Variants in SLC22A7 observed in about 807,000 individuals in gnomAD.
The protein encoded by SLC22A7 is solute carrier family 22 member 7, also known as hOAT2.
Under a neutral mutation model 62.2 loss-of-function variants are expected in SLC22A7, and 48 were observed. The observed-to-expected ratio is 0.77, with a 90% CI of 0.61 to 0.98. The LOEUF is 0.98. Among genes scored for constraint, SLC22A7 ranks in the 50% least tolerant of loss-of-function variants. SLC22A7 has a pLI of 0.00. For missense variants in SLC22A7, 581 were observed against 703.8 expected (o/e 0.83, Z 1.97); for synonymous variants, 276 against 314.8 (o/e 0.88, Z 1.30).
Position 43,298,421 on chromosome 6 carries a change from G to T in SLC22A7, c.63G>T (p.Val21=). Residue 21 remains valine (V), a synonymous_variant, in exon 1 of 11, where the codon GTG becomes GTT. Transcript: ENST00000372585. ...GGFGPFQLRN[V]ALLALPRVLL... ...TTGGGCCCTTCCAACTGCGGAATGT[G>T]GCACTGCTGGCCCTGCCCCGAGTGC... 1.9e-6 allele frequency: 3 copies of T among 1,614,120 alleles called. No homozygotes were observed. The highest frequency in any genetic ancestry group is 1.7e-6 in the Non-Finnish European group (2 of 1,180,028).
rs757499719 is a variant in SLC22A7, at chr6:43,298,633, C to A, written c.275C>A (p.Thr92Asn). ...RFAYPQALPN[T>N]TLGEERQSRG... ...GCCTATCCCCAGGCTCTCCCCAACA[C>A]CACGTTGGGGGAAGAAAGGCAGAGC... is the stretch of plus-strand genomic sequence containing the variant. Residue 92 changes from threonine to asparagine, a missense_variant, in exon 1 of 11, where the codon ACC becomes AAC. Physicochemically the swap from Thr to Asn is moderately conservative, Grantham distance 65. Transcript: ENST00000372585. The A allele has an allele frequency of 1.3e-6, 2 of 1,593,180 alleles. No homozygotes were observed. Among genetic ancestry groups the A allele is most frequent in the South Asian group, 1.1e-5 (1 of 87,662 alleles).
intron 9 of SLC22A7, chr6:43,303,329 G>A (rs903103063): frequency 4.4e-4 from 82 of 185,732 alleles, no homozygotes; most frequent in African/African-American, 1.9e-3. Flanking sequence ...GTGTGGTGGC[G>A]AATGCCTGTA....
chr6:43,301,135 G>A lies in SLC22A7; in HGVS notation c.828G>A (p.Trp276Ter). The A allele has an allele frequency of 6.2e-7, 1 of 1,614,168 alleles. No homozygotes were observed. The highest frequency in any genetic ancestry group is 8.5e-7 in the Non-Finnish European group (1 of 1,180,016). ...LPCAPGILSL[W>*]WVPESARWLL... ...TGATGGACCTTCTGCCTATTCCTAG[G>A]TGGGTGCCTGAGTCTGCACGCTGGC... The change falls in exon 6 of 11, where the codon TGG becomes TGA. Residue 276 changes from tryptophan (W) to a stop codon, truncating the protein, a stop_gained and splice_region_variant. Coordinates refer to ENST00000372585, the MANE Select transcript of SLC22A7 (RefSeq NM_153320.2). LOFTEE classifies it high-confidence loss of function.
intron 10 of SLC22A7, 140 bp downstream of exon 10, chr6:43,304,384 GGTGA>G: frequency 3.9e-6 from 3 of 766,686 alleles, no homozygotes; most frequent in Non-Finnish European, 6.0e-6. Flanking sequence ...TGCGTGCACA[GGTGA>G]GTGTTTCAGG....
In SLC22A7 at chr6:43,304,066, G is replaced by A. The variant is rs1778853886; in HGVS notation, c.1414G>A (p.Val472Met). The A allele has an allele frequency of 6.3e-7, 1 of 1,588,312 alleles. No individual in the cohort carries two copies. Among genetic ancestry groups the A allele is most frequent in the African/African-American group, 1.3e-5 (1 of 74,336 alleles). The change falls in exon 10 of 11, where the codon GTG becomes ATG. Residue 472 changes from valine to methionine, a missense_variant. By Grantham distance (21) the Val-to-Met change is conservative. Transcript: ENST00000372585. ...RQTGMGLTAL[V>M]GRLGGSLAPL... ...GACAGGGATGGGGCTGACTGCACTGGTGGGCCGGCTGGGGGGCTCTTTGGC... is the reference window on the plus strand; with the variant it reads ...GACAGGGATGGGGCTGACTGCACTGATGGGCCGGCTGGGGGGCTCTTTGGC...
At chr6:43,301,087 G>A (rs1393638918) in intron 5 of SLC22A7, 48 bp from the exon 6 acceptor site, 1 of 1,612,854 alleles carries the variant, frequency 6.2e-7, no homozygotes, top group South Asian at 1.1e-5. Flanking sequence ...GGAACATGTG[G>A]CTTAGGGTCA....
rs1400474320 is a variant in SLC22A7, at chr6:43,302,152, G to C, written c.1062-48G>C. The C allele has an allele frequency of 6.7e-7, 1 of 1,484,016 alleles. No individual in the cohort carries two copies. Among genetic ancestry groups the C allele is most frequent in the African/African-American group, 1.4e-5 (1 of 71,612 alleles). 91.9% of individuals were successfully genotyped at this position (1,484,016 alleles called of 1,614,324 possible). On this transcript the variant is annotated intron_variant, in intron 7 of 10. Coordinates refer to ENST00000372585, the MANE Select transcript of SLC22A7 (RefSeq NM_153320.2). The surrounding 1 kb of genome is among the most constrained non-coding windows in gnomAD (Gnocchi z 5.0). ...AGTCTTCCTGAGAAGAGAGGCCAAA[G>C]AGGGATGGGAAGGAGGGTCCGCCAA...
chr6:43,300,062 C>T lies in SLC22A7; in HGVS notation c.823C>T (p.Leu275Phe). ...GCCTTGTGCCCCAGGCATCCTCAGC[C>T]TCTGGTGAGGACTGCAGGCAGCTGG... ...TLPCAPGILS[L>F]WWVPESARWL... Residue 275 changes from leucine (L) to phenylalanine (F), a missense_variant, in exon 5 of 11, where the codon CTC becomes TTC. Transcript: ENST00000372585. The T allele has an allele frequency of 1.2e-6, 2 of 1,613,906 alleles. No homozygotes were observed. The highest frequency in any genetic ancestry group is 1.7e-6 in the Non-Finnish European group (2 of 1,179,956).
At chr6:43,296,338 C>G (rs70953667), upstream of SLC22A7, among the ~76,000 whole-genome samples, 949 of 152,324 alleles carry the variant, frequency 6.2e-3, 13 homozygotes, top group African/African-American at 0.021. Flanking sequence ...GTCGTCACAG[C>G]CAATGGCTGA....
rs1416591100 is a variant in SLC22A7 at position 43,301,155 on chromosome 6, G to A, written c.848G>A (p.Arg283His). 8.1e-6 allele frequency: 13 copies of A among 1,614,170 alleles called. 1 individual carries two copies. The highest frequency in any genetic ancestry group is 6.8e-6 in the Non-Finnish European group (8 of 1,180,028). ...CCTAGGTGGGTGCCTGAGTCTGCAC[G>A]CTGGCTTCTGACCCAAGGCCATGTG... ...LSLWWVPESA[R>H]WLLTQGHVKE... The change falls in exon 6 of 11, where the codon CGC becomes CAC. Residue 283 changes from arginine to histidine, a missense_variant. Arg to His is a conservative substitution (Grantham distance 29). Coordinates refer to ENST00000372585, the MANE Select transcript of SLC22A7 (RefSeq NM_153320.2).
At position 43,299,920 on chromosome 6, in the gene SLC22A7, G is replaced by C; in HGVS notation, c.681G>C (p.Glu227Asp). The part of the protein sequence containing the change: ...MPLELEWLDV[E>D]HRTVAGVLSS... ...CAGAGCTGGAGTGGCTGGATGTGGA[G>C]CACCGCACCGTGGCTGGAGTCCTGA... The change falls in exon 5 of 11, where the codon GAG (glutamate) becomes GAC (aspartate). Residue 227 changes from glutamate to aspartate, a missense_variant. Glu to Asp is a conservative substitution (Grantham distance 45). Coordinates refer to ENST00000372585, the MANE Select transcript of SLC22A7 (RefSeq NM_153320.2). The surrounding 1 kb of genome is among the most constrained non-coding windows in gnomAD (Gnocchi z 4.4). 3.1e-6 allele frequency: 5 copies of C among 1,614,176 alleles called. No homozygotes were observed. The highest frequency in any genetic ancestry group is 4.2e-6 in the Non-Finnish European group (5 of 1,180,016).
rs765308689 is a variant in SLC22A7 at position 43,299,127 on chromosome 6, G to A, written c.399+30G>A. ...GTATTTACATAATCCATCTGGAGGT[G>A]GAATGTCGGTGGAGGCAGTCTCCCT... is the stretch of plus-strand genomic sequence containing the variant. On this transcript the variant is annotated intron_variant, in intron 2 of 10. Transcript: ENST00000372585. This position sits in a 1 kb window ranked among gnomAD's most constrained non-coding sequence, Gnocchi z 4.4. 1 of 1,613,998 alleles carries A rather than the reference G, an allele frequency of 6.2e-7. No individual in the cohort carries two copies. Among genetic ancestry groups the A allele is most frequent in the Non-Finnish European group, 8.5e-7 (1 of 1,179,920 alleles).
Position 43,301,127 on chromosome 6 carries a change from A to G in SLC22A7, c.828-8A>G, listed in dbSNP as rs1287888079. On this transcript the variant is annotated splice_polypyrimidine_tract_variant and splice_region_variant and intron_variant, in intron 5 of 10. Transcript: ENST00000372585. Reference sequence around the variant, plus strand: ...TTTCTGGCTGATGGACCTTCTGCCTATTCCTAGGTGGGTGCCTGAGTCTGC... The same window carrying G: ...TTTCTGGCTGATGGACCTTCTGCCTGTTCCTAGGTGGGTGCCTGAGTCTGC... 1.2e-6 allele frequency: 2 copies of G among 1,614,108 alleles called. No homozygotes were observed. Among genetic ancestry groups the G allele is most frequent in the Non-Finnish European group, 1.7e-6 (2 of 1,179,982 alleles).
Position 43,301,201 on chromosome 6 carries a change from G to T in SLC22A7, c.894G>T (p.Leu298Phe). Reference protein sequence around the residue: ...QGHVKEAHRYLLHCARLNGRP... With the variant: ...QGHVKEAHRYFLHCARLNGRP... ...ATGTGAAAGAGGCCCACAGGTACTT[G>T]CTCCACTGTGCCAGGCTCAATGGGC... Residue 298 changes from leucine (L) to phenylalanine (F), a missense_variant, in exon 6 of 11, where the codon TTG becomes TTT. Coordinates refer to ENST00000372585, the MANE Select transcript of SLC22A7 (RefSeq NM_153320.2). The T allele has an allele frequency of 6.2e-7, 1 of 1,614,236 alleles. No homozygotes were observed.
rs551411261 is a variant in SLC22A7 at position 43,302,895 on chromosome 6, C to G, written c.1385+132C>G. The G allele has an allele frequency of 2.6e-5, 18 of 693,870 alleles. No homozygotes were observed. Among genetic ancestry groups the G allele is most frequent in the Admixed American group, 2.5e-4 (9 of 36,318 alleles). 43.0% of individuals were successfully genotyped at this position (693,870 alleles called of 1,614,324 possible). A position where few individuals can be genotyped will look rare whatever the true frequency, so the allele number is the denominator to read the frequency against. The stretch of plus-strand genomic sequence containing the variant: ...TTTTAATTTTAATTTTTGGTAGAGA[C>G]GGGGTCTTGCTATATTACCCAGACT... On this transcript the variant is annotated intron_variant, in intron 9 of 10. Transcript: ENST00000372585. The surrounding 1 kb of genome is among the most constrained non-coding windows in gnomAD (Gnocchi z 5.0).
upstream of SLC22A7, among the ~76,000 whole-genome samples, chr6:43,296,147 C>T (rs764765566): frequency 4.8e-4 from 73 of 152,328 alleles, no homozygotes; most frequent in Middle Eastern, 3.4e-3. Flanking sequence ...TCAGGTGACC[C>T]ACCCGCCTTG....
In SLC22A7 at chr6:43,300,072, G is replaced by A. The variant is rs369946403; in HGVS notation, c.827+6G>A. 1.2e-5 allele frequency: 19 copies of A among 1,613,870 alleles called. No homozygotes were observed. In the Admixed American group the frequency reaches 3.0e-4, roughly 25 times the overall value. ...CCAGGCATCCTCAGCCTCTGGTGAGGACTGCAGGCAGCTGGGGAGCGGGAG... is the reference window on the plus strand; with the variant it reads ...CCAGGCATCCTCAGCCTCTGGTGAGAACTGCAGGCAGCTGGGGAGCGGGAG... On this transcript the variant is annotated splice_donor_region_variant and intron_variant, in intron 5 of 10. Coordinates refer to ENST00000372585, the MANE Select transcript of SLC22A7 (RefSeq NM_153320.2).
rs1425855600 is a variant in SLC22A7, at chr6:43,304,175, C to T, written c.1523C>T (p.Thr508Ile). 6.2e-7 allele frequency: 1 copy of T among 1,601,138 alleles called. No homozygotes were observed. Among genetic ancestry groups the T allele is most frequent in the Non-Finnish European group, 8.5e-7 (1 of 1,172,524 alleles). Residue 508 changes from threonine to isoleucine, a missense_variant, in exon 10 of 11, where the codon ACC becomes ATC. Transcript: ENST00000372585. The part of the protein sequence containing the change: ...YGGIALLAAG[T>I]ALLLPETRQA... ...GGGATCGCCCTGCTGGCTGCCGGCA[C>T]CGCCCTCCTGCTGCCAGAGACGAGG... is the stretch of plus-strand genomic sequence containing the variant.
chr6:43,304,331 C>A, intron 10 of SLC22A7, 87 bp downstream of exon 10: 1 of 1,170,294 alleles, frequency 8.5e-7, no homozygotes, highest in Non-Finnish European at 1.2e-6. Context: ...AGGATTCAGA[C>A]AGGAAACTAT....
Sources: allele counts gnomAD v4.1 joint callset (sites outside exome capture counted in the v4.1 genomes callset), GRCh38; gene constraint gnomAD v4.1.1; non-coding constraint Gnocchi (gnomAD v3.1); transcripts MANE v1.5; gene names NCBI Gene and HGNC (gene_info 2026-07-23, HGNC 2026-07-21).